Variants in MAP2 observed in about 807,000 individuals in gnomAD.
MAP2 encodes the protein microtubule associated protein 2, also known as microtubule-associated protein 2.
A neutral mutation model predicts 137.6 loss-of-function variants in MAP2; 14 were observed. That is an observed-to-expected ratio of 0.10 (90% CI 0.07 to 0.16). The LOEUF is 0.16. Among genes scored for constraint, MAP2 ranks in the 10% least tolerant of loss-of-function variants. The pLI is 1.00. For missense variants in MAP2, 2,088 were observed against 2,191.5 expected, an observed-to-expected ratio of 0.95 and a Z score of 0.94; for synonymous variants, 786 against 782.3, an observed-to-expected ratio of 1.00 and a Z score of -0.08.
chr2:209,708,539 C>T (rs2064234728), intron 12 of MAP2, among the ~76,000 whole-genome samples: 1 of 152,166 alleles, frequency 6.6e-6, no homozygotes, highest in African/African-American at 2.4e-5. Context: ...CTCTCCTGAG[C>T]TCACATCTTG....
chr2:209,571,729 G>T (rs771097565), intron 2 of MAP2, among the ~76,000 whole-genome samples: 5 of 151,990 alleles, frequency 3.3e-5, no homozygotes, highest in African/African-American at 9.7e-5. Context: ...GTAAAAGTAT[G>T]TGAGAAGACT....
At chr2:209,514,197 T>TG (rs2062134734) in intron 2 of MAP2, among the ~76,000 whole-genome samples, 1 of 152,104 alleles carries the variant, frequency 6.6e-6, no homozygotes, top group Non-Finnish European at 1.5e-5. Flanking sequence ...TACAAAGATA[T>TG]TAATATACTA....
intron 5 of MAP2, among the ~76,000 whole-genome samples, chr2:209,655,767 G>A (rs1314678408): frequency 6.6e-6 from 1 of 152,198 alleles, no homozygotes; most frequent in African/African-American, 2.4e-5. Context: ...ATCTACCAGT[G>A]TATTACATTT....
At chr2:209,572,151 A>T (rs1198171192) in intron 2 of MAP2, among the ~76,000 whole-genome samples, 1 of 152,064 alleles carries the variant, frequency 6.6e-6, no homozygotes, top group African/African-American at 2.4e-5. Flanking sequence ...TCTGTTCATC[A>T]TAACTCAGAA....
intron 2 of MAP2, among the ~76,000 whole-genome samples, chr2:209,558,703 A>C (rs1485006079): frequency 2.0e-5 from 3 of 151,250 alleles, no homozygotes; most frequent in Non-Finnish European, 2.9e-5. Flanking sequence ...TAATAATAAT[A>C]ATCCAAGAAT....
At position 209,690,743 on chromosome 2, in the gene MAP2, A is replaced by G. The variant is rs1055952200; in HGVS notation, c.455-1882A>G. On this transcript the variant is annotated intron_variant, in intron 7 of 15. Coordinates refer to ENST00000682079, the MANE Select transcript of MAP2 (RefSeq NM_001375505.1). ...AATGGAGTCTAGTGCGGAGGCCCAAATAGTTCCCGAAGAGAGTGCCCCAGC... is the reference window on the plus strand; with the variant it reads ...AATGGAGTCTAGTGCGGAGGCCCAAGTAGTTCCCGAAGAGAGTGCCCCAGC... 8.5e-6 allele frequency: 11 copies of G among 1,289,700 alleles called. No homozygotes were observed. The Admixed American group carries it at 2.3e-4, about 27-fold the overall frequency. The allele number at this position is 1,289,700 out of a possible 1,614,324, so 79.9% of individuals were successfully genotyped here.
At chr2:209,475,499 T>C (rs937687617) in intron 1 of MAP2, among the ~76,000 whole-genome samples, 1 of 152,098 alleles carries the variant, frequency 6.6e-6, no homozygotes, top group Non-Finnish European at 1.5e-5. Context: ...AGCAGAGATA[T>C]TACTATTTCA....
chr2:209,610,924 GC>G (rs2086630965), intron 3 of MAP2, among the ~76,000 whole-genome samples: 1 of 152,006 alleles, frequency 6.6e-6, no homozygotes, highest in African/African-American at 2.4e-5. Flanking sequence ...ATAATATAAA[GC>G]TTTTGTAAAA....
At chr2:209,598,031 A>C (rs1438271148) in intron 3 of MAP2, among the ~76,000 whole-genome samples, 1 of 151,672 alleles carries the variant, frequency 6.6e-6, no homozygotes, top group Non-Finnish European at 1.5e-5. Flanking sequence ...TTTGAGACTG[A>C]GTCTTGCTCT....
At position 209,705,630 on chromosome 2, in the gene MAP2, C is replaced by T. The variant is rs2063172946; in HGVS notation, c.4635C>T (p.Ser1545=). ...PEKRSSLPRP[S]SILPPRRGVS... ...AGCGCTCTTCTCTCCCAAGACCTTC[C>T]TCCATTCTCCCTCCTCGGCGAGGTG... Residue 1545 remains serine, a synonymous_variant, in exon 12 of 16, where the codon TCC becomes TCT. Transcript: ENST00000682079. 1.2e-6 allele frequency: 2 copies of T among 1,612,944 alleles called. No individual in the cohort carries two copies. Among genetic ancestry groups the T allele is most frequent in the Admixed American group, 1.7e-5 (1 of 59,960 alleles).
At chr2:209,574,242 C>T (rs2153380801) in intron 2 of MAP2, among the ~76,000 whole-genome samples, 1 of 152,262 alleles carries the variant, frequency 6.6e-6, no homozygotes, top group East Asian at 1.9e-4. Context: ...CTGGTAACCA[C>T]AGTTTTGTTC....
At chr2:209,541,434 T>G (rs1004953940) in intron 2 of MAP2, among the ~76,000 whole-genome samples, 4 of 151,206 alleles carry the variant, frequency 2.6e-5, no homozygotes, top group African/African-American at 7.4e-5. Context: ...TTCTGAAGGT[T>G]AGGTTGACTG....
chr2:209,723,047 G>A (rs2071947986), intron 13 of MAP2, among the ~76,000 whole-genome samples: 1 of 152,148 alleles, frequency 6.6e-6, no homozygotes, highest in Non-Finnish European at 1.5e-5. Context: ...GGGAAACCGG[G>A]GGTTCTTACC....
At chr2:209,625,637 C>T (rs571499387) in intron 4 of MAP2, among the ~76,000 whole-genome samples, 132 of 152,284 alleles carry the variant, frequency 8.7e-4, no homozygotes, top group Non-Finnish European at 1.5e-4. Context: ...CTGGACAGAA[C>T]ACCAGCCCCA....
At chr2:209,673,334 C>T (rs533903409) in intron 5 of MAP2, among the ~76,000 whole-genome samples, 1 of 151,830 alleles carries the variant, frequency 6.6e-6, no homozygotes, top group East Asian at 1.9e-4. Context: ...TTATTACTTA[C>T]AGAAATTGTC....
At chr2:209,711,776 A>G (rs1381054584) in intron 13 of MAP2, among the ~76,000 whole-genome samples, 1 of 152,130 alleles carries the variant, frequency 6.6e-6, no homozygotes, top group Non-Finnish European at 1.5e-5. Flanking sequence ...TACCATTTGG[A>G]AAGTTCTGCA....
intron 13 of MAP2, among the ~76,000 whole-genome samples, chr2:209,715,598 G>A (rs77088851): frequency 0.016 from 2,483 of 152,264 alleles, 65 homozygotes; most frequent in African/African-American, 0.057. Context: ...GATATGTTAA[G>A]AGGAAATTGC....
chr2:209,496,986 T>C (rs539673086), intron 1 of MAP2, among the ~76,000 whole-genome samples: 4 of 152,266 alleles, frequency 2.6e-5, no homozygotes, highest in Admixed American at 6.5e-5. Flanking sequence ...TCTCTCTATG[T>C]CGCTTATGCT....
chr2:209,507,818 G>A (rs1203068824), intron 2 of MAP2, among the ~76,000 whole-genome samples, 177 bp downstream of exon 2: 1 of 151,912 alleles, frequency 6.6e-6, no homozygotes, highest in Non-Finnish European at 1.5e-5. Flanking sequence ...CCTAAGTACT[G>A]TTTTTCTAAT....
Sources: gnomAD v4.1 joint callset for allele counts (sites outside exome capture counted in the v4.1 genomes callset) on GRCh38, gnomAD v4.1.1 for gene constraint, MANE v1.5 for transcripts, NCBI Gene and HGNC (gene_info 2026-07-23, HGNC 2026-07-21) for gene names.